GMDS: variants seen among roughly 807,000 people sequenced by gnomAD.
GMDS encodes the protein GDP-mannose 4,6 dehydratase.
A neutral mutation model predicts 49.9 loss-of-function variants in GMDS; 20 were observed. The ratio of observed to expected loss-of-function variants is 0.40; its 90% CI spans 0.28 to 0.58. The LOEUF (loss-of-function observed/expected upper bound fraction) is 0.58. Ranked by LOEUF, GMDS falls within the 20% of genes least tolerant of loss-of-function variation. GMDS has a pLI of 0.42. For missense variants in GMDS, 362 were observed against 481.4 expected, an observed-to-expected ratio of 0.75 and a Z score of 2.32; for synonymous variants, 177 against 178.6, an observed-to-expected ratio of 0.99 and a Z score of 0.07.
At chr6:1,929,701 T>C (rs1454083990) in intron 7 of GMDS, among the ~76,000 whole-genome samples, 1 of 152,134 alleles carries the variant, frequency 6.6e-6, no homozygotes, top group Non-Finnish European at 1.5e-5. Flanking sequence ...CGGGACTTAG[T>C]AGAATAATGT....
chr6:1,797,125 T>G (rs1769772438), intron 7 of GMDS, among the ~76,000 whole-genome samples: 1 of 152,178 alleles, frequency 6.6e-6, no homozygotes, highest in Non-Finnish European at 1.5e-5. Flanking sequence ...CTCTGCCTCC[T>G]GACAGATTAG....
At chr6:2,136,906 CAAAAAAAAA>C (rs3049649) in intron 1 of GMDS, among the ~76,000 whole-genome samples, 1 of 127,964 alleles carries the variant, frequency 7.8e-6, no homozygotes, top group Non-Finnish European at 1.7e-5. Flanking sequence ...TCATTTCAAA[CAAAAAAAAA>C]AAAAAAAAAG....
intron 7 of GMDS, among the ~76,000 whole-genome samples, chr6:1,860,335 A>G (rs1476926324): frequency 6.6e-6 from 1 of 152,212 alleles, no homozygotes; most frequent in Non-Finnish European, 1.5e-5. Context: ...TAAATCTCAA[A>G]TGCACATGTG....
At chr6:1,825,385 TA>T (rs1357406555) in intron 7 of GMDS, among the ~76,000 whole-genome samples, 2 of 152,136 alleles carry the variant, frequency 1.3e-5, no homozygotes, top group African/African-American at 4.8e-5. Flanking sequence ...AGCAGACAAA[TA>T]AATTAAACAC....
At chr6:1,695,353 A>G (rs1159297246) in intron 9 of GMDS, among the ~76,000 whole-genome samples, 1 of 152,226 alleles carries the variant, frequency 6.6e-6, no homozygotes, top group Non-Finnish European at 1.5e-5. Context: ...AAATTCAACT[A>G]CCTTTGAGGC....
chr6:2,154,982 G>T (rs1054107276), intron 1 of GMDS, among the ~76,000 whole-genome samples: 11 of 151,088 alleles, frequency 7.3e-5, no homozygotes, highest in Non-Finnish European at 1.5e-4. Flanking sequence ...ACTTCATATG[G>T]TTAAGGCTAA....
rs562038962 is a variant in GMDS at position 1,649,936 on chromosome 6, AG to A, written c.988-25397del. On this transcript the variant is annotated intron_variant, in intron 9 of 10. Transcript: ENST00000380815. ...CCTCTGTCAAGAGAGGCCTTGAAAGAGCAGACTGGAACTTTCCAGCAGTCTC... is the reference window on the plus strand; with the variant it reads ...CCTCTGTCAAGAGAGGCCTTGAAAGACAGACTGGAACTTTCCAGCAGTCTC... Among the ~76,000 whole-genome samples the A allele has an allele frequency of 2.3e-3, 353 of 152,324 alleles. 2 individuals are homozygous for A. Among genetic ancestry groups the A allele is most frequent in the Non-Finnish European group, 3.5e-3 (241 of 68,020 alleles).
At chr6:1,633,627 G>T (rs1163843542) in intron 9 of GMDS, among the ~76,000 whole-genome samples, 1 of 152,194 alleles carries the variant, frequency 6.6e-6, no homozygotes, top group East Asian at 1.9e-4. Context: ...ATGTGCACGG[G>T]CCGGTCACAG....
At chr6:2,227,681 C>A (rs979193745) in intron 1 of GMDS, among the ~76,000 whole-genome samples, 2 of 152,164 alleles carry the variant, frequency 1.3e-5, no homozygotes, top group African/African-American at 4.8e-5. Context: ...AAGGAGCGGG[C>A]AGGCCAGAGC....
intron 9 of GMDS, among the ~76,000 whole-genome samples, chr6:1,696,940 G>A (rs1364837737): frequency 6.6e-6 from 1 of 152,242 alleles, no homozygotes; most frequent in East Asian, 1.9e-4. Flanking sequence ...GTAAATAATG[G>A]CATCTTTAAG....
intron 9 of GMDS, among the ~76,000 whole-genome samples, chr6:1,684,032 G>A (rs1310589948): frequency 1.0e-4 from 7 of 67,066 alleles, no homozygotes; most frequent in Non-Finnish European, 2.6e-4. Flanking sequence ...GCCTGGATCC[G>A]CCCTCTATCA....
chr6:1,804,387 C>A (rs1444262761), intron 7 of GMDS, among the ~76,000 whole-genome samples: 1 of 152,276 alleles, frequency 6.6e-6, no homozygotes, highest in East Asian at 1.9e-4. Context: ...CCATGTGGCG[C>A]ACCCCGGCCA....
intron 8 of GMDS, among the ~76,000 whole-genome samples, chr6:1,737,294 T>G (rs1345280610): frequency 1.3e-5 from 2 of 152,198 alleles, no homozygotes; most frequent in East Asian, 3.8e-4. Context: ...CTTACAACTC[T>G]CTTCTCAAAA....
chr6:1,726,016 CACAG>C (rs1478584795), intron 9 of GMDS, among the ~76,000 whole-genome samples: 1 of 152,168 alleles, frequency 6.6e-6, no homozygotes, highest in South Asian at 2.1e-4. Context: ...TGTATGAGTA[CACAG>C]ACACAGACAT....
intron 7 of GMDS, 63 bp downstream of exon 7, chr6:1,930,040 G>A (rs1762216298): frequency 2.8e-6 from 4 of 1,449,958 alleles, no homozygotes; most frequent in Admixed American, 1.8e-5. Context: ...TTCACTGTAC[G>A]CTTGGCATTT....
chr6:1,693,568 A>T (rs9392320), intron 9 of GMDS, among the ~76,000 whole-genome samples: 79,540 of 151,956 alleles, frequency 0.52, 22,047 homozygotes, highest in Middle Eastern at 0.64. Flanking sequence ...TAAAAAACAT[A>T]TTTCCATATA....
At chr6:2,052,814 T>A (rs1485813050) in intron 4 of GMDS, among the ~76,000 whole-genome samples, 1 of 152,318 alleles carries the variant, frequency 6.6e-6, no homozygotes, top group South Asian at 2.1e-4. Flanking sequence ...AACCACTTTA[T>A]AAGAATGAGG....
chr6:1,728,858 C>T (rs1766685482), intron 8 of GMDS, among the ~76,000 whole-genome samples: 2 of 151,946 alleles, frequency 1.3e-5, no homozygotes, highest in South Asian at 4.1e-4. Context: ...TTTCTTCTTC[C>T]TCCTCTTATT....
rs1031263052 is a variant in GMDS, at chr6:1,689,316, T to C, written c.987+37100A>G. On this transcript the variant is annotated intron_variant, in intron 9 of 10. Coordinates refer to ENST00000380815, the MANE Select transcript of GMDS (RefSeq NM_001500.4). ...ACATGAGTCAAGAGAGCCCATAAAA[T>C]TACCCAAGTGTAGGCCTACCTCACA... 3.9e-5 allele frequency among the ~76,000 whole-genome samples: 6 copies of C among 152,132 alleles called. 1 individual carries two copies. Among genetic ancestry groups the C allele is most frequent in the African/African-American group, 1.4e-4 (6 of 41,430 alleles).
Sources: gnomAD v4.1 joint callset for allele counts (sites outside exome capture counted in the v4.1 genomes callset) on GRCh38, gnomAD v4.1.1 for gene constraint, MANE v1.5 for transcripts, NCBI Gene and HGNC (gene_info 2026-07-23, HGNC 2026-07-21) for gene names.